The following RPTOR variants were observed in gnomAD, a reference collection of about 807,000 sequenced individuals.
The protein encoded by RPTOR is regulatory-associated protein of mTOR.
RPTOR carries 21 observed loss-of-function variants against 169.9 expected under a neutral mutation model. The observed-to-expected ratio is 0.12, with a 90% CI of 0.09 to 0.18. RPTOR has a LOEUF of 0.18. Ranked by LOEUF, RPTOR falls within the 10% of genes least tolerant of loss-of-function variation. The pLI is 1.00. For missense variants in RPTOR, 1,133 were observed against 1,855.9 expected (o/e 0.61, Z 7.16); for synonymous variants, 732 against 753.2 (o/e 0.97, Z 0.46).
intron 5 of RPTOR, among the ~76,000 whole-genome samples, chr17:80,736,575 A>G (rs904568634): frequency 3.3e-5 from 5 of 152,240 alleles, no homozygotes; most frequent in East Asian, 1.9e-4. Context: ...AGAATCTTCA[A>G]GTTTCCTCAA....
intron 21 of RPTOR, among the ~76,000 whole-genome samples, chr17:80,912,821 A>G (rs2068628910): frequency 6.6e-6 from 1 of 152,226 alleles, no homozygotes; most frequent in African/African-American, 2.4e-5. Context: ...AGAAACCGCC[A>G]TAAAAGTGGC....
At chr17:80,937,666 C>G (rs1443597570) in intron 24 of RPTOR, among the ~76,000 whole-genome samples, 1 of 152,212 alleles carries the variant, frequency 6.6e-6, no homozygotes, top group Non-Finnish European at 1.5e-5. Flanking sequence ...GGGCCTGGGC[C>G]CTTTTTTACT....
intron 6 of RPTOR, among the ~76,000 whole-genome samples, chr17:80,789,435 G>A (rs939424036): frequency 1.2e-4 from 19 of 152,186 alleles, no homozygotes; most frequent in Non-Finnish European, 2.6e-4. Flanking sequence ...GGCAGGACCT[G>A]ATCTTCTCTG....
In RPTOR at chr17:80,587,612, C is replaced by T. The variant is rs115925279; in HGVS notation, c.163-38079C>T. ...GTTACGCATTTTTACTGTGTTCATT[C>T]CTGTGGGTATGTATTATATCATGGC... is the stretch of plus-strand genomic sequence containing the variant. On this transcript the variant is annotated intron_variant, in intron 1 of 33. Transcript: ENST00000306801. 7.4e-3 allele frequency among the ~76,000 whole-genome samples: 1,134 copies of T among 152,272 alleles called. 14 individuals are homozygous for T. The highest frequency in any genetic ancestry group is 0.025 in the African/African-American group (1,050 of 41,536).
chr17:80,842,671 C>A (rs1421527773), intron 10 of RPTOR, among the ~76,000 whole-genome samples: 2 of 152,218 alleles, frequency 1.3e-5, no homozygotes, highest in Non-Finnish European at 2.9e-5. Flanking sequence ...TATACTTGTA[C>A]TGGCCATTTA....
At chr17:80,771,038 G>T (rs2066838099) in intron 6 of RPTOR, among the ~76,000 whole-genome samples, 1 of 152,224 alleles carries the variant, frequency 6.6e-6, no homozygotes, top group Admixed American at 6.5e-5. Context: ...TGCCTTCTGA[G>T]CCGTCAGCCT....
At chr17:80,837,830 A>G in intron 9 of RPTOR, 92 bp from the exon 10 acceptor site, 1 of 1,224,018 alleles carries the variant, frequency 8.2e-7, no homozygotes, top group South Asian at 1.3e-5. Flanking sequence ...CTTGCTGCCC[A>G]GGCTCAGCCG....
chr17:80,695,981 A>G lies in RPTOR; in HGVS notation c.349-11860A>G, dbSNP rs1000888728. 3.3e-5 allele frequency among the ~76,000 whole-genome samples: 5 copies of G among 152,166 alleles called. No homozygotes were observed. Among genetic ancestry groups the G allele is most frequent in the Non-Finnish European group, 7.3e-5 (5 of 68,032 alleles). On this transcript the variant is annotated intron_variant, in intron 3 of 33. Transcript: ENST00000306801. The surrounding 1 kb of genome is among the most constrained non-coding windows in gnomAD (Gnocchi z 4.9). ...GGATGCTGGTTACATCTTAGATGGAAATTGGCCGTGTCTCTGCTGTTTCTG... is the reference window on the plus strand; with the variant it reads ...GGATGCTGGTTACATCTTAGATGGAGATTGGCCGTGTCTCTGCTGTTTCTG...
At chr17:80,665,411 TC>T (rs2065761391) in intron 3 of RPTOR, among the ~76,000 whole-genome samples, 1 of 11,360 alleles carries the variant, frequency 8.8e-5, no homozygotes, top group African/African-American at 1.1e-3. Flanking sequence ...TCCTTTCCTT[TC>T]CTTTCCTTTC....
rs778720122 is a variant in RPTOR at position 80,891,691 on chromosome 17, C to CT, written c.1984-28dup. On this transcript the variant is annotated intron_variant, in intron 17 of 33. Coordinates refer to ENST00000306801, the MANE Select transcript of RPTOR (RefSeq NM_020761.3). ...CACAATCATTTTCCAGCCCCAGTGA[C>CT]TGTTATTGTCCCTTCTCCCTCTCGG... 4 of 1,433,592 alleles carry CT rather than the reference C, an allele frequency of 2.8e-6. No individual in the cohort carries two copies. The East Asian group carries it at 9.1e-5, about 33-fold the overall frequency. 88.8% of individuals were successfully genotyped at this position (1,433,592 alleles called of 1,614,324 possible). A position where few individuals can be genotyped will look rare whatever the true frequency, so the allele number is the denominator to read the frequency against.
intron 21 of RPTOR, among the ~76,000 whole-genome samples, chr17:80,912,058 C>A (rs7220348): frequency 0.34 from 52,198 of 152,088 alleles, 9,120 homozygotes; most frequent in East Asian, 0.47. Flanking sequence ...TTACCACTGC[C>A]CTTTTAGACT....
rs1450397580 is a variant in RPTOR, at chr17:80,659,402, G to A, written c.348+15592G>A. 6.6e-6 allele frequency among the ~76,000 whole-genome samples: 1 copy of A among 152,136 alleles called. No homozygotes were observed. Among genetic ancestry groups the A allele is most frequent in the Non-Finnish European group, 1.5e-5 (1 of 68,016 alleles). ...GCTGGGGTGCAGTGGTGCAATCACGGGTCACCGCAGCCTCGACCTCCTGGG... is the reference window on the plus strand; with the variant it reads ...GCTGGGGTGCAGTGGTGCAATCACGAGTCACCGCAGCCTCGACCTCCTGGG... On this transcript the variant is annotated intron_variant, in intron 3 of 33. Coordinates refer to ENST00000306801, the MANE Select transcript of RPTOR (RefSeq NM_020761.3). This position sits in a 1 kb window ranked among gnomAD's most constrained non-coding sequence, Gnocchi z 4.3.
At chr17:80,836,438 G>A (rs1006575410) in intron 9 of RPTOR, among the ~76,000 whole-genome samples, 4 of 152,232 alleles carry the variant, frequency 2.6e-5, no homozygotes, top group East Asian at 1.9e-4. Flanking sequence ...GTAATTCAGC[G>A]TGTGGCTCTG....
intron 4 of RPTOR, chr17:80,709,150 G>A: frequency 1.1e-6 from 1 of 908,618 alleles, no homozygotes; most frequent in African/African-American, 1.8e-5. Context: ...GCACAGGGCA[G>A]TGCCATCTCT....
chr17:80,659,471 A>G lies in RPTOR; in HGVS notation c.348+15661A>G, dbSNP rs529305622. On this transcript the variant is annotated intron_variant, in intron 3 of 33. Transcript: ENST00000306801. The surrounding 1 kb of genome is among the most constrained non-coding windows in gnomAD (Gnocchi z 4.3). Reference sequence around the variant, plus strand: ...CTCAGCCTCCTGAGTAGCTGGGACTACAGGTATGCGACACCATACCTGGCT... The same window carrying G: ...CTCAGCCTCCTGAGTAGCTGGGACTGCAGGTATGCGACACCATACCTGGCT... 2.6e-5 allele frequency among the ~76,000 whole-genome samples: 4 copies of G among 152,174 alleles called. No homozygotes were observed. The highest frequency in any genetic ancestry group is 2.0e-4 in the Admixed American group (3 of 15,280).
chr17:80,917,349 A>G (rs930223422), intron 21 of RPTOR, among the ~76,000 whole-genome samples: 2 of 152,100 alleles, frequency 1.3e-5, no homozygotes, highest in Non-Finnish European at 2.9e-5. Context: ...CCCGACCTCC[A>G]GTGATCCACC....
chr17:80,900,553 T>A (rs1045853926), intron 20 of RPTOR, among the ~76,000 whole-genome samples: 2 of 152,272 alleles, frequency 1.3e-5, no homozygotes, highest in Middle Eastern at 3.4e-3. Context: ...CAACCTCGGG[T>A]GATCTGCGCG....
chr17:80,958,841 A>G, intron 29 of RPTOR, among the ~76,000 whole-genome samples: 1 of 152,232 alleles, frequency 6.6e-6, no homozygotes, highest in East Asian at 1.9e-4. Context: ...GCAGAAATCT[A>G]ACTGCATTGA....
intron 9 of RPTOR, among the ~76,000 whole-genome samples, chr17:80,835,059 T>A (rs775389140): frequency 6.6e-6 from 1 of 152,200 alleles, no homozygotes; most frequent in Non-Finnish European, 1.5e-5. Flanking sequence ...CAGCTGGGGA[T>A]TTACTGGGCA....
Sources: gnomAD v4.1 joint callset for allele counts (sites outside exome capture counted in the v4.1 genomes callset) on GRCh38, gnomAD v4.1.1 for gene constraint, Gnocchi (gnomAD v3.1) non-coding constraint, MANE v1.5 for transcripts, NCBI Gene and HGNC (gene_info 2026-07-23, HGNC 2026-07-21) for gene names.